The following MAOA variants were observed in gnomAD, a reference collection of about 807,000 sequenced individuals.
The protein encoded by MAOA is amine oxidase [flavin-containing] A.
Under a neutral mutation model 42.0 loss-of-function variants are expected in MAOA, and 6 were observed. The observed-to-expected ratio is 0.14, with a 90% CI of 0.08 to 0.28. The LOEUF is 0.28. Ranked by LOEUF, MAOA falls within the 10% of genes least tolerant of loss-of-function variation. The pLI is 1.00. For synonymous variants in MAOA, 140 were observed against 154.0 expected, an observed-to-expected ratio of 0.91 and a Z score of 0.67; for missense variants, 262 against 422.3, an observed-to-expected ratio of 0.62 and a Z score of 3.33.
intron 1 of MAOA, among the ~76,000 whole-genome samples, chrX:43,681,254 C>T (rs965213198): frequency 9.0e-6 from 1 of 111,408 alleles, no homozygotes; most frequent in South Asian, 3.8e-4. Flanking sequence ...TTTTTCTAGA[C>T]CTTTTCATTG....
chrX:43,667,457 T>C (rs2033292284), intron 1 of MAOA, among the ~76,000 whole-genome samples: 1 of 111,408 alleles, frequency 9.0e-6, no homozygotes, highest in African/African-American at 3.3e-5. Flanking sequence ...GGAATGACTT[T>C]AGCTAGGTTT....
rs1348233476 is a variant in MAOA at position 43,671,853 on chromosome X, G to A, written c.74-11660G>A. On this transcript the variant is annotated intron_variant, in intron 1 of 14. Coordinates refer to ENST00000338702, the MANE Select transcript of MAOA (RefSeq NM_000240.4). Reference sequence around the variant, plus strand: ...CTGTTTTGGTTACTGTAGCCTTGTAGTATAGTTTGAAGTCAGGTAGTGTGA... The same window carrying A: ...CTGTTTTGGTTACTGTAGCCTTGTAATATAGTTTGAAGTCAGGTAGTGTGA... Among the ~76,000 whole-genome samples the A allele has an allele frequency of 2.9e-5, 3 of 103,453 alleles. No homozygotes were observed. The East Asian group carries it at 9.0e-4, about 31-fold the overall frequency. 89.8% of individuals were successfully genotyped at this position (103,453 alleles called of 115,157 possible). A position where few individuals can be genotyped will look rare whatever the true frequency, so the allele number is the denominator to read the frequency against.
intron 2 of MAOA, among the ~76,000 whole-genome samples, chrX:43,692,263 G>A (rs1283853089): frequency 9.0e-6 from 1 of 110,575 alleles, no homozygotes; most frequent in Admixed American, 9.7e-5. Flanking sequence ...TGATTTCTGG[G>A]GGAGTGTTTG....
rs200282730 is a variant in MAOA, at chrX:43,741,290, G to GA, written c.1164+562dup. Among the ~76,000 whole-genome samples the GA allele has an allele frequency of 7.5e-3, 795 of 106,352 alleles. 3 individuals carry two copies. The highest frequency in any genetic ancestry group is 0.014 in the Middle Eastern group (3 of 208). The allele number at this position is 106,352 out of a possible 115,157, so 92.4% of individuals were successfully genotyped here. A position where few individuals can be genotyped will look rare whatever the true frequency, so the allele number is the denominator to read the frequency against. On this transcript the variant is annotated intron_variant, in intron 11 of 14. Transcript: ENST00000338702. ...TAGGAGAATGAAATTACGTCTTTTT[G>GA]AAAAAAAAAATAGAATGGCTGAGCG...
At chrX:43,657,975 A>G (rs2033199195) in intron 1 of MAOA, 1 of 686,726 alleles carries the variant, frequency 1.5e-6, no homozygotes. Flanking sequence ...GGAGAGTAAG[A>G]AAAAGGAGTA....
intron 1 of MAOA, among the ~76,000 whole-genome samples, chrX:43,671,611 AT>A (rs1392778072): frequency 2.9e-5 from 3 of 103,748 alleles, no homozygotes; most frequent in African/African-American, 7.1e-5. Flanking sequence ...TCTTGAATTA[AT>A]TTTTGTATAA....
chrX:43,673,260 G>T (rs2033354666), intron 1 of MAOA, among the ~76,000 whole-genome samples: 1 of 111,485 alleles, frequency 9.0e-6, no homozygotes, highest in African/African-American at 3.3e-5. Context: ...ATGGTAGTTT[G>T]TATTTCTGTG....
rs934218854 is a variant in MAOA at position 43,745,162 on chromosome X, A to G, written c.*649A>G. 1.7e-5 allele frequency: 2 copies of G among 114,930 alleles called. No homozygotes were observed. The highest frequency in any genetic ancestry group is 6.5e-5 in the African/African-American group (2 of 30,964). The allele number at this position is 114,930 out of a possible 1,213,427, so 9.5% of individuals were successfully genotyped here. ...TCTCTAGACATCTAGTCTCAGTGCT[A>G]GCTTATTTGTATTTTTCCTCTTTCA... is the stretch of plus-strand genomic sequence containing the variant. On this transcript the variant is annotated 3_prime_UTR_variant, in exon 15 of 15. Coordinates refer to ENST00000338702, the MANE Select transcript of MAOA (RefSeq NM_000240.4).
rs754826270 is a variant in MAOA, at chrX:43,695,914, A to C, written c.306+2486A>C. On this transcript the variant is annotated intron_variant, in intron 3 of 14. Coordinates refer to ENST00000338702, the MANE Select transcript of MAOA (RefSeq NM_000240.4). The stretch of plus-strand genomic sequence containing the variant: ...GACTTTGCCTGAAAGTGATCAACAG[A>C]TCGTGACATGCTATCCAAACTTCCT... 3.0e-3 allele frequency among the ~76,000 whole-genome samples: 333 copies of C among 111,624 alleles called. 2 individuals carry two copies. The highest frequency in any genetic ancestry group is 0.011 in the African/African-American group (327 of 30,680).
At chrX:43,728,886 T>C (rs2033859469) in intron 6 of MAOA, among the ~76,000 whole-genome samples, 2 of 113,291 alleles carry the variant, frequency 1.8e-5, no homozygotes, top group East Asian at 5.5e-4. Context: ...TGAATTCATT[T>C]CGTTCATTGG....
rs751223564 is a variant in MAOA at position 43,731,714 on chromosome X, G to A, written c.816G>A (p.Ala272=). ...EHYECKYVIN[A]IPPTLTAKIH... is the part of the protein sequence containing the mutation. ...TTTAGTGCAAATACGTAATTAATGC[G>A]ATCCCTCCGACCTTGACTGCCAAGA... The change falls in exon 8 of 15, where the codon GCG becomes GCA. Residue 272 remains alanine (A), a synonymous_variant. Transcript: ENST00000338702. 2.5e-5 allele frequency: 30 copies of A among 1,209,290 alleles called. No individual in the cohort carries two copies. The East Asian group carries it at 5.0e-4, about 20-fold the overall frequency.
intron 1 of MAOA, among the ~76,000 whole-genome samples, chrX:43,665,368 C>T (rs2033266812): frequency 9.0e-6 from 1 of 111,269 alleles, no homozygotes; most frequent in Non-Finnish European, 1.9e-5. Context: ...GTCTCAACTT[C>T]CATGAACATT....
chrX:43,693,713 C>T (rs1212297567), intron 3 of MAOA, among the ~76,000 whole-genome samples: 1 of 110,175 alleles, frequency 9.1e-6, no homozygotes, highest in Non-Finnish European at 1.9e-5. Context: ...ATGGGAGGCT[C>T]TGGGTTCCCT....
intron 1 of MAOA, among the ~76,000 whole-genome samples, chrX:43,681,209 G>A (rs1287640150): frequency 1.8e-5 from 2 of 111,582 alleles, no homozygotes; most frequent in African/African-American, 6.5e-5. Flanking sequence ...AACACTGTAA[G>A]TGTTGGGAGT....
At chrX:43,733,823 T>A (rs193053629) in intron 9 of MAOA, among the ~76,000 whole-genome samples, 3 of 111,842 alleles carry the variant, frequency 2.7e-5, no homozygotes, top group African/African-American at 9.7e-5. Context: ...AATGAGACAT[T>A]TTATAACCAC....
chrX:43,726,387 C>T (rs1036204983), intron 5 of MAOA, among the ~76,000 whole-genome samples: 2 of 111,567 alleles, frequency 1.8e-5, no homozygotes, highest in African/African-American at 6.5e-5. Flanking sequence ...ACTCTTTTTT[C>T]TCTAATCTTG....
chrX:43,712,557 A>G (rs764842717), intron 4 of MAOA, 148 bp from the exon 5 acceptor site: 2 of 491,503 alleles, frequency 4.1e-6, no homozygotes, highest in African/African-American at 4.8e-5. Context: ...ACTCTACCCC[A>G]CTCCCTGTCT....
chrX:43,702,765 A>G (rs960729122), intron 3 of MAOA, among the ~76,000 whole-genome samples: 9 of 112,051 alleles, frequency 8.0e-5, no homozygotes, highest in Non-Finnish European at 1.5e-4. Context: ...AATTTGTAAG[A>G]CTCAAATGAT....
At chrX:43,665,911 G>T (rs1280049319) in intron 1 of MAOA, among the ~76,000 whole-genome samples, 2 of 111,836 alleles carry the variant, frequency 1.8e-5, no homozygotes, top group Non-Finnish European at 3.8e-5. Flanking sequence ...ATTCTCTGTT[G>T]TCTTCTGCCA....
Sources: allele counts gnomAD v4.1 joint callset (sites outside exome capture counted in the v4.1 genomes callset), GRCh38; gene constraint gnomAD v4.1.1; transcripts MANE v1.5; gene names NCBI Gene and HGNC (gene_info 2026-07-23, HGNC 2026-07-21).